SDK1: variants seen among roughly 807,000 people sequenced by gnomAD.
SDK1 encodes the protein protein sidekick-1.
In SDK1, 157 loss-of-function variants were observed where a neutral mutation model predicts 245.5. The observed-to-expected ratio is 0.64, with a 90% CI of 0.56 to 0.73. The LOEUF (loss-of-function observed/expected upper bound fraction) is 0.73. SDK1 is among the 30% of genes least tolerant of loss of function. The probability of loss-of-function intolerance (pLI) is 0.00; values close to 1 mark genes in which losing one functional copy is unlikely to be tolerated. For synonymous variants in SDK1, 1,647 were observed against 1,278.5 expected (o/e 1.29, Z -6.15); for missense variants, 3,583 against 3,002.3 (o/e 1.19, Z -4.52).
intron 22 of SDK1, among the ~76,000 whole-genome samples, chr7:4,096,818 G>T (rs1427504119): frequency 6.6e-6 from 1 of 151,986 alleles, no homozygotes; most frequent in African/African-American, 2.4e-5. Context: ...TGAGATTCAG[G>T]GGCCGGGGAC....
chr7:3,597,447 TG>T (rs1781103038), intron 1 of SDK1, among the ~76,000 whole-genome samples: 1 of 151,796 alleles, frequency 6.6e-6, no homozygotes, highest in African/African-American at 2.4e-5. Flanking sequence ...AGCAGAACAG[TG>T]GGTTTTGTAA....
chr7:3,642,044 T>G lies in SDK1; in HGVS notation c.652T>G (p.Tyr218Asp), dbSNP rs748906490. 1 of 1,614,142 alleles carries G rather than the reference T, an allele frequency of 6.2e-7. No homozygotes were observed. The highest frequency in any genetic ancestry group is 2.2e-5 in the East Asian group (1 of 44,878). Residue 218 changes from tyrosine (Y) to aspartate (D), a missense_variant, in exon 4 of 45, where the codon TAC (tyrosine) becomes GAC (aspartate). Tyr to Asp is a radical substitution (Grantham distance 160, BLOSUM62 -3). Coordinates refer to ENST00000404826, the MANE Select transcript of SDK1 (RefSeq NM_152744.4). ...AILNLLPITS[Y>D]PRPQVTWFRE... ...TCTAAACCTGCTGCCCATCACCAGC[T>G]ACCCCAGACCTCAAGTGACTTGGTT... is the stretch of plus-strand genomic sequence containing the variant.
intron 2 of SDK1, among the ~76,000 whole-genome samples, chr7:3,631,967 A>C (rs180805790): frequency 5.3e-5 from 8 of 152,228 alleles, no homozygotes; most frequent in Admixed American, 4.6e-4. Context: ...GTTGGAATGG[A>C]TTTTTTTGAT....
intron 14 of SDK1, among the ~76,000 whole-genome samples, chr7:4,010,560 T>C (rs1377493149): frequency 1.3e-5 from 2 of 152,218 alleles, no homozygotes; most frequent in East Asian, 1.9e-4. Context: ...TTAATGAATA[T>C]AGTTTTTATT....
At chr7:3,599,852 A>G (rs34704704) in intron 1 of SDK1, among the ~76,000 whole-genome samples, 37,183 of 152,160 alleles carry the variant, frequency 0.24, 4,759 homozygotes, top group South Asian at 0.31. Flanking sequence ...GCTAGATAGT[A>G]ACTTTGAAAT....
rs1475114962 is a variant in SDK1 at position 4,079,472 on chromosome 7, G to C, written c.3212G>C (p.Gly1071Ala). 2.5e-6 allele frequency: 4 copies of C among 1,614,000 alleles called. No homozygotes were observed. In the Admixed American group the frequency reaches 6.7e-5, roughly 27 times the overall value. ...CCTGGTTCCTCTCTAGACCTTCCTG[G>C]TGCCCCATCCAACCTGGTCATTTCC... ...ISSGVPPDLP[G>A]APSNLVISNI... Residue 1071 changes from glycine (G) to alanine (A), a missense_variant, in exon 22 of 45, where the codon GGT becomes GCT. Transcript: ENST00000404826.
intron 44 of SDK1, among the ~76,000 whole-genome samples, chr7:4,246,126 T>C (rs1786840948): frequency 6.6e-6 from 1 of 152,156 alleles, no homozygotes. Context: ...GCAGTCTAGA[T>C]GCTCCAAGGC....
chr7:3,891,048 T>C (rs1378810301), intron 5 of SDK1, among the ~76,000 whole-genome samples: 1 of 152,178 alleles, frequency 6.6e-6, no homozygotes, highest in East Asian at 1.9e-4. Context: ...GGACCCAGGC[T>C]CTGGTGGAGC....
intron 36 of SDK1, among the ~76,000 whole-genome samples, chr7:4,206,507 G>C (rs1784235091): frequency 1.3e-5 from 2 of 152,324 alleles, no homozygotes; most frequent in African/African-American, 4.8e-5. Flanking sequence ...AGGTCCCTGG[G>C]AACCCTGCTT....
chr7:3,611,636 G>A (rs1313399525), intron 1 of SDK1, among the ~76,000 whole-genome samples: 1 of 152,118 alleles, frequency 6.6e-6, no homozygotes, highest in Non-Finnish European at 1.5e-5. Context: ...GTTTTCCATA[G>A]TGGTCGTGCT....
intron 4 of SDK1, among the ~76,000 whole-genome samples, chr7:3,661,500 G>C (rs77629463): frequency 0.013 from 1,905 of 152,236 alleles, 46 homozygotes; most frequent in African/African-American, 0.043. Context: ...ATTTAAATAA[G>C]TTGTAAATGC....
chr7:3,671,110 C>A (rs879278611), intron 4 of SDK1, among the ~76,000 whole-genome samples: 3 of 152,116 alleles, frequency 2.0e-5, no homozygotes, highest in Non-Finnish European at 4.4e-5. Context: ...CTTGCCTTAC[C>A]CCTGAGTTTT....
At chr7:3,581,594 C>T (rs1780498503) in intron 1 of SDK1, among the ~76,000 whole-genome samples, 1 of 152,074 alleles carries the variant, frequency 6.6e-6, no homozygotes, top group African/African-American at 2.4e-5. Flanking sequence ...GTGGTGATTC[C>T]TCAAAGAGCT....
chr7:3,509,889 A>C (rs1261109156), intron 1 of SDK1, among the ~76,000 whole-genome samples: 1 of 152,152 alleles, frequency 6.6e-6, no homozygotes, highest in African/African-American at 2.4e-5. Context: ...TGCACGTTAG[A>C]ATCACCTAGT....
At position 4,077,071 on chromosome 7, in the gene SDK1, C is replaced by T. The variant is rs140206005; in HGVS notation, c.3084C>T (p.His1028=). ...RLTHTLNSTT[H]EYKIQGLSSL... is the part of the protein sequence containing the mutation. ...CGCACACCCTGAACAGCACGACGCA[C>T]GAGTACAAGATCCAAGGCCTCTCAT... Residue 1028 remains histidine (H), a synonymous_variant, in exon 21 of 45, where the codon CAC becomes CAT. Transcript: ENST00000404826. 7.3e-4 allele frequency: 1,175 copies of T among 1,614,182 alleles called. 3 individuals are homozygous for T. Among genetic ancestry groups the T allele is most frequent in the Non-Finnish European group, 7.2e-4 (854 of 1,180,028 alleles).
At chr7:3,315,640 T>C (rs996365586) in intron 1 of SDK1, among the ~76,000 whole-genome samples, 8 of 152,254 alleles carry the variant, frequency 5.3e-5, no homozygotes, top group Admixed American at 1.3e-4. Flanking sequence ...ATCTCTGTTA[T>C]AGGGATTTCT....
intron 14 of SDK1, among the ~76,000 whole-genome samples, chr7:3,991,875 G>GT (rs1340522161): frequency 6.6e-6 from 1 of 152,202 alleles, no homozygotes; most frequent in African/African-American, 2.4e-5. Flanking sequence ...CAGTGGTCTG[G>GT]TTTTTATTTT....
Position 4,268,664 on chromosome 7 carries a change from T to G in SDK1, c.*3280T>G. 7.3e-7 allele frequency: 1 copy of G among 1,367,846 alleles called. No individual in the cohort carries two copies. The highest frequency in any genetic ancestry group is 9.8e-7 in the Non-Finnish European group (1 of 1,021,976). The allele number at this position is 1,367,846 out of a possible 1,614,324, so 84.7% of individuals were successfully genotyped here. ...TAGCATGGTTTTTATTTCTTACGCA[T>G]TCTTGGCACACAGTGTAGCTATCCT... On this transcript the variant is annotated 3_prime_UTR_variant, in exon 45 of 45. Coordinates refer to ENST00000404826, the MANE Select transcript of SDK1 (RefSeq NM_152744.4).
chr7:3,308,702 A>C (rs1272806432), intron 1 of SDK1, among the ~76,000 whole-genome samples: 3 of 152,106 alleles, frequency 2.0e-5, no homozygotes, highest in Admixed American at 2.0e-4. Context: ...GGGTTCAAAG[A>C]ATGGGCTAGA....
Sources: allele counts gnomAD v4.1 joint callset (sites outside exome capture counted in the v4.1 genomes callset), GRCh38; gene constraint gnomAD v4.1.1; transcripts MANE v1.5; gene names NCBI Gene and HGNC (gene_info 2026-07-23, HGNC 2026-07-21).